The following RFX3 variants were observed in gnomAD, a reference collection of about 807,000 sequenced individuals.
The protein encoded by RFX3 is regulatory factor X3.
RFX3 carries 14 observed loss-of-function variants against 98.6 expected under a neutral mutation model. That is an observed-to-expected ratio of 0.14 (90% CI 0.09 to 0.22). RFX3 has a LOEUF of 0.22. RFX3 is among the 10% of genes least tolerant of loss of function. RFX3 has a pLI of 1.00. For missense variants in RFX3, 639 were observed against 926.9 expected (o/e 0.69, Z 4.03); for synonymous variants, 383 against 328.4 (o/e 1.17, Z -1.80).
At chr9:3,286,172 G>C (rs929775272) in intron 7 of RFX3, among the ~76,000 whole-genome samples, 1 of 151,660 alleles carries the variant, frequency 6.6e-6, no homozygotes, top group Non-Finnish European at 1.5e-5. Flanking sequence ...ACTGTGTAGT[G>C]GTGCTATGCA....
intron 1 of RFX3, among the ~76,000 whole-genome samples, chr9:3,515,658 G>T (rs1445204548): frequency 6.6e-6 from 1 of 152,138 alleles, no homozygotes; most frequent in African/African-American, 2.4e-5. Context: ...AAACATGGAG[G>T]AAACTTAACT....
At chr9:3,481,822 T>C (rs991783572) in intron 1 of RFX3, among the ~76,000 whole-genome samples, 4 of 151,912 alleles carry the variant, frequency 2.6e-5, no homozygotes, top group African/African-American at 9.7e-5. Flanking sequence ...ATTGAAGAAA[T>C]GCAAATTCAA....
chr9:3,339,605 G>C (rs900447036), intron 3 of RFX3, among the ~76,000 whole-genome samples: 1 of 152,122 alleles, frequency 6.6e-6, no homozygotes, highest in East Asian at 1.9e-4. Context: ...AACAAATATA[G>C]ATTGAGCACC....
chr9:3,468,720 G>A (rs913582076), intron 1 of RFX3, among the ~76,000 whole-genome samples: 2 of 150,404 alleles, frequency 1.3e-5, no homozygotes, highest in Admixed American at 6.7e-5. Flanking sequence ...ATTATCTGCA[G>A]CTGTCAACCA....
chr9:3,451,709 T>G (rs1846652902), intron 1 of RFX3, among the ~76,000 whole-genome samples: 1 of 152,128 alleles, frequency 6.6e-6, no homozygotes, highest in South Asian at 2.1e-4. Context: ...AGTAACCTGA[T>G]AGTGGATAAA....
intron 1 of RFX3, among the ~76,000 whole-genome samples, chr9:3,499,200 A>G (rs1815703203): frequency 6.6e-6 from 1 of 152,138 alleles, no homozygotes; most frequent in Non-Finnish European, 1.5e-5. Flanking sequence ...AAAGGTCATA[A>G]TGGATATAAA....
intron 4 of RFX3, among the ~76,000 whole-genome samples, chr9:3,312,626 C>T (rs933400238): frequency 2.0e-5 from 3 of 151,026 alleles, no homozygotes; most frequent in African/African-American, 7.3e-5. Context: ...CGAATAGGAA[C>T]AGCTCCAGTC....
chr9:3,345,507 G>A (rs1184912611), intron 3 of RFX3, among the ~76,000 whole-genome samples: 5 of 152,100 alleles, frequency 3.3e-5, no homozygotes, highest in African/African-American at 1.2e-4. Context: ...CAGAGTCAAT[G>A]AAAAGCTTCC....
intron 2 of RFX3, among the ~76,000 whole-genome samples, chr9:3,383,890 T>G (rs1839443607): frequency 6.6e-6 from 1 of 152,176 alleles, no homozygotes; most frequent in Admixed American, 6.6e-5. Context: ...AGGCATAACT[T>G]GTGTATCTAT....
chr9:3,403,646 G>A (rs1011140733), intron 1 of RFX3, among the ~76,000 whole-genome samples: 1 of 152,232 alleles, frequency 6.6e-6, no homozygotes, highest in South Asian at 2.1e-4. Context: ...AGAAAGAAAT[G>A]AAATTACTGT....
At chr9:3,241,223 TG>T (rs1354164763) in intron 15 of RFX3, among the ~76,000 whole-genome samples, 25 of 51,408 alleles carry the variant, frequency 4.9e-4, no homozygotes, top group Admixed American at 3.1e-3. Flanking sequence ...AGGAGTTTTT[TG>T]TTTTTTTTTT....
At chr9:3,243,330 C>CAAAAA (rs34599472) in intron 15 of RFX3, among the ~76,000 whole-genome samples, 3 of 146,608 alleles carry the variant, frequency 2.0e-5, no homozygotes. Context: ...ATCATTTAGG[C>CAAAAA]AAAAAAAAAA....
intron 1 of RFX3, among the ~76,000 whole-genome samples, chr9:3,462,116 G>T (rs924804564): frequency 6.6e-6 from 1 of 151,882 alleles, no homozygotes; most frequent in Non-Finnish European, 1.5e-5. Context: ...AGAAAAAAGT[G>T]ACAAGCATAC....
chr9:3,425,812 C>T (rs151264289), intron 1 of RFX3, among the ~76,000 whole-genome samples: 2 of 152,128 alleles, frequency 1.3e-5, no homozygotes, highest in African/African-American at 2.4e-5. Context: ...CCTTAGGTCC[C>T]TGAATCTCTG....
chr9:3,390,894 T>C (rs1763730236), intron 2 of RFX3, among the ~76,000 whole-genome samples: 1 of 152,190 alleles, frequency 6.6e-6, no homozygotes, highest in African/African-American at 2.4e-5. Context: ...AATACACTCA[T>C]CATTCTAGTA....
intron 2 of RFX3, among the ~76,000 whole-genome samples, chr9:3,347,048 C>T (rs112122918): frequency 0.038 from 5,838 of 152,238 alleles, 227 homozygotes; most frequent in African/African-American, 0.093. Flanking sequence ...TGGCCAGGCA[C>T]GGTGGCTTAC....
intron 2 of RFX3, among the ~76,000 whole-genome samples, chr9:3,370,068 CCT>C (rs1259979745): frequency 1.4e-5 from 2 of 148,142 alleles, no homozygotes; most frequent in African/African-American, 5.0e-5. Flanking sequence ...GTCTCGATCT[CCT>C]GACCTCGTGA....
At chr9:3,298,872 A>G (rs1435106466) in intron 5 of RFX3, among the ~76,000 whole-genome samples, 2 of 151,840 alleles carry the variant, frequency 1.3e-5, no homozygotes, top group Admixed American at 1.3e-4. Flanking sequence ...ATTCCAAAAT[A>G]GAATGAGAAT....
At chr9:3,276,817 T>C (rs1463028091) in intron 8 of RFX3, among the ~76,000 whole-genome samples, 2 of 152,008 alleles carry the variant, frequency 1.3e-5, no homozygotes, top group African/African-American at 4.8e-5. Flanking sequence ...ATGGCAAAAA[T>C]ATGAAAAATA....
Sources: allele counts gnomAD v4.1 joint callset (sites outside exome capture counted in the v4.1 genomes callset), GRCh38; gene constraint gnomAD v4.1.1; transcripts MANE v1.5; gene names NCBI Gene and HGNC (gene_info 2026-07-23, HGNC 2026-07-21).